The following SLAIN2 variants were observed in gnomAD, a reference collection of about 807,000 sequenced individuals.
SLAIN2 encodes the protein SLAIN motif-containing protein 2.
Under a neutral mutation model 56.6 loss-of-function variants are expected in SLAIN2, and 31 were observed. That is an observed-to-expected ratio of 0.55 (90% CI 0.41 to 0.74). The LOEUF (loss-of-function observed/expected upper bound fraction) is 0.74, where lower values mean the gene tolerates loss of function less well. Ranked by LOEUF, SLAIN2 falls within the 30% of genes least tolerant of loss-of-function variation. The pLI is 0.00. For synonymous variants in SLAIN2, 317 were observed against 284.9 expected (o/e 1.11, Z -1.13); for missense variants, 777 against 754.2 (o/e 1.03, Z -0.35).
At chr4:48,350,064 A>T (rs1299838983) in intron 1 of SLAIN2, among the ~76,000 whole-genome samples, 5 of 152,260 alleles carry the variant, frequency 3.3e-5, no homozygotes, top group Non-Finnish European at 7.3e-5. Context: ...ATTAAATTCC[A>T]CAAGTGTAAC....
In SLAIN2 at chr4:48,366,071, CTTTGTTA is replaced by C. The variant is rs565115966; in HGVS notation, c.390-3772_390-3766del. Among the ~76,000 whole-genome samples, 39 of 152,132 alleles carry C rather than the reference CTTTGTTA, an allele frequency of 2.6e-4. No homozygotes were observed. In the East Asian group the frequency reaches 5.6e-3, roughly 22 times the overall value. On this transcript the variant is annotated intron_variant, in intron 1 of 7. Transcript: ENST00000264313. ...TTTCCCTTGTGATACATTGTTTGAC[CTTTGTTA>C]TTTGTAAGTATGTTGTTTAATTTCC...
At chr4:48,412,501 C>G (rs1716890970) in intron 6 of SLAIN2, among the ~76,000 whole-genome samples, 1 of 142,952 alleles carries the variant, frequency 7.0e-6, no homozygotes, top group African/African-American at 2.6e-5. Flanking sequence ...ATATTTCTTT[C>G]TAAAAAGTTT....
chr4:48,393,225 T>C (rs1716279907), intron 6 of SLAIN2, among the ~76,000 whole-genome samples: 1 of 151,914 alleles, frequency 6.6e-6, no homozygotes, highest in Admixed American at 6.6e-5. Flanking sequence ...ATACAAAAAT[T>C]AATACAAAAA....
intron 2 of SLAIN2, among the ~76,000 whole-genome samples, chr4:48,376,684 C>T (rs1258246530): frequency 4.0e-4 from 53 of 133,412 alleles, no homozygotes; most frequent in African/African-American, 1.4e-3. Flanking sequence ...TGCAGTGGCT[C>T]GATATCGGCT....
At chr4:48,397,027 A>G (rs1262360622) in intron 6 of SLAIN2, among the ~76,000 whole-genome samples, 1 of 152,176 alleles carries the variant, frequency 6.6e-6, no homozygotes, top group African/African-American at 2.4e-5. Flanking sequence ...GAAGAAAACA[A>G]TCCAGTCTAT....
intron 6 of SLAIN2, among the ~76,000 whole-genome samples, chr4:48,394,970 A>C (rs1349269737): frequency 6.6e-6 from 1 of 152,174 alleles, no homozygotes; most frequent in Non-Finnish European, 1.5e-5. Flanking sequence ...AAATGAACCA[A>C]ATGTCAGACA....
intron 6 of SLAIN2, among the ~76,000 whole-genome samples, chr4:48,388,344 CA>C (rs1184308973): frequency 6.6e-6 from 1 of 152,080 alleles, no homozygotes; most frequent in African/African-American, 2.4e-5. Flanking sequence ...GAGAGTTTTT[CA>C]AAAGGCTAAT....
intron 1 of SLAIN2, among the ~76,000 whole-genome samples, chr4:48,344,723 A>C (rs563858504): frequency 6.6e-6 from 1 of 152,270 alleles, no homozygotes; most frequent in South Asian, 2.1e-4. Context: ...CTTCATGATA[A>C]GAAATACATT....
At chr4:48,372,660 T>C (rs1465068084) in intron 2 of SLAIN2, among the ~76,000 whole-genome samples, 2 of 152,206 alleles carry the variant, frequency 1.3e-5, no homozygotes, top group Non-Finnish European at 2.9e-5. Flanking sequence ...AGGAGGATAT[T>C]AGGAGTGTGT....
At chr4:48,393,518 G>A (rs1222267793) in intron 6 of SLAIN2, among the ~76,000 whole-genome samples, 1 of 151,848 alleles carries the variant, frequency 6.6e-6, no homozygotes, top group Non-Finnish European at 1.5e-5. Context: ...GTAAGTGCTG[G>A]GATTATAGGC....
chr4:48,383,547 G>T, intron 5 of SLAIN2, 100 bp from the exon 6 acceptor site: 2 of 1,085,982 alleles, frequency 1.8e-6, no homozygotes, highest in Non-Finnish European at 2.5e-6. Flanking sequence ...AAAATAAACA[G>T]AATGTTTGAT....
In SLAIN2 at chr4:48,374,084, T is replaced by C. The variant is rs368448188; in HGVS notation, c.539-3812T>C. ...AGCATTCCAGATAAAAAGAAAGGCATGTGCAAAGGCTCCATGTGGGATGAA... is the reference window on the plus strand; with the variant it reads ...AGCATTCCAGATAAAAAGAAAGGCACGTGCAAAGGCTCCATGTGGGATGAA... On this transcript the variant is annotated intron_variant, in intron 2 of 7. Transcript: ENST00000264313. Among the ~76,000 whole-genome samples, 28 of 152,120 alleles carry C rather than the reference T, an allele frequency of 1.8e-4. 2 individuals are homozygous for C. The East Asian group carries it at 5.2e-3, about 28-fold the overall frequency.
At chr4:48,352,755 T>G (rs1715044595) in intron 1 of SLAIN2, among the ~76,000 whole-genome samples, 1 of 152,214 alleles carries the variant, frequency 6.6e-6, no homozygotes, top group South Asian at 2.1e-4. Flanking sequence ...GTATTCTAGT[T>G]ACTTTGCTCC....
intron 6 of SLAIN2, among the ~76,000 whole-genome samples, chr4:48,391,956 G>A (rs1716245224): frequency 6.6e-6 from 1 of 152,138 alleles, no homozygotes; most frequent in East Asian, 1.9e-4. Flanking sequence ...TCACAGTAAG[G>A]TATTGCTGAA....
Position 48,425,549 on chromosome 4 carries a change from A to G in SLAIN2, c.*3472A>G, listed in dbSNP as rs1367871377. On this transcript the variant is annotated 3_prime_UTR_variant, in exon 8 of 8. Transcript: ENST00000264313. ...TGCTTTGCAATTACATGTTACAATTAGAATAATTACAATTAAAATAATATT... is the reference window on the plus strand; with the variant it reads ...TGCTTTGCAATTACATGTTACAATTGGAATAATTACAATTAAAATAATATT... 6.6e-6 allele frequency: 1 copy of G among 152,198 alleles called. No homozygotes were observed. The highest frequency in any genetic ancestry group is 6.5e-5 in the Admixed American group (1 of 15,288). The allele number at this position is 152,198 out of a possible 1,614,324, so 9.4% of individuals were successfully genotyped here. A position where few individuals can be genotyped will look rare whatever the true frequency, so the allele number is the denominator to read the frequency against.
At chr4:48,404,781 G>A (rs1253495409) in intron 6 of SLAIN2, among the ~76,000 whole-genome samples, 4 of 152,120 alleles carry the variant, frequency 2.6e-5, no homozygotes, top group Admixed American at 1.3e-4. Context: ...TGCTGAGAAA[G>A]TCCTAGGTCA....
chr4:48,374,248 T>G (rs949863382), intron 2 of SLAIN2, among the ~76,000 whole-genome samples: 1 of 152,098 alleles, frequency 6.6e-6, no homozygotes, highest in Non-Finnish European at 1.5e-5. Context: ...TTCTTTTTCT[T>G]TTTTTGGAGA....
chr4:48,403,594 C>T (rs1292502990), intron 6 of SLAIN2, among the ~76,000 whole-genome samples: 1 of 152,218 alleles, frequency 6.6e-6, no homozygotes, highest in African/African-American at 2.4e-5. Flanking sequence ...ATGGCGGCCA[C>T]CCTTCCTCCC....
intron 6 of SLAIN2, among the ~76,000 whole-genome samples, chr4:48,385,071 C>T (rs898215225): frequency 3.3e-5 from 5 of 152,074 alleles, no homozygotes; most frequent in African/African-American, 1.2e-4. Context: ...GAAACATATG[C>T]AGCATAGACG....
Sources: allele counts gnomAD v4.1 joint callset (sites outside exome capture counted in the v4.1 genomes callset), GRCh38; gene constraint gnomAD v4.1.1; transcripts MANE v1.5; gene names NCBI Gene and HGNC (gene_info 2026-07-23, HGNC 2026-07-21).